The following JAZF1 variants were observed in gnomAD, a reference collection of about 807,000 sequenced individuals.
The protein encoded by JAZF1 is JAZF zinc finger 1, also known as juxtaposed with another zinc finger protein 1.
A neutral mutation model predicts 26.4 loss-of-function variants in JAZF1; 8 were observed. That is an observed-to-expected ratio of 0.30 (90% CI 0.18 to 0.55). The LOEUF (loss-of-function observed/expected upper bound fraction) is 0.55, where lower values mean the gene tolerates loss of function less well. Ranked by LOEUF, JAZF1 falls within the 20% of genes least tolerant of loss-of-function variation. The pLI, the probability that JAZF1 is intolerant of heterozygous loss-of-function variation, is 0.94. For synonymous variants in JAZF1, 126 were observed against 122.3 expected (o/e 1.03, Z -0.20); for missense variants, 199 against 322.0 (o/e 0.62, Z 2.92).
At chr7:28,060,093 CTTTA>C (rs766564542) in intron 1 of JAZF1, among the ~76,000 whole-genome samples, 9 of 151,870 alleles carry the variant, frequency 5.9e-5, no homozygotes, top group African/African-American at 2.2e-4. Flanking sequence ...CTTATTAATT[CTTTA>C]TTTGATTCTA....
intron 3 of JAZF1, among the ~76,000 whole-genome samples, chr7:27,846,967 GTTTTTA>G (rs1283010078): frequency 6.6e-6 from 1 of 151,636 alleles, no homozygotes; most frequent in African/African-American, 2.4e-5. Context: ...AGCCTTATCT[GTTTTTA>G]TTTTTATTTT....
intron 1 of JAZF1, among the ~76,000 whole-genome samples, chr7:28,004,414 A>T (rs779271526): frequency 6.6e-6 from 1 of 151,698 alleles, no homozygotes. Context: ...AAAAAAAAAA[A>T]GTCTGATGCC....
chr7:28,025,370 C>T (rs1023132858), intron 1 of JAZF1, among the ~76,000 whole-genome samples: 5 of 152,192 alleles, frequency 3.3e-5, no homozygotes, highest in African/African-American at 7.2e-5. Flanking sequence ...ACAGCAACAT[C>T]GTATCTAAAT....
At position 27,943,490 on chromosome 7, in the gene JAZF1, T is replaced by C. The variant is rs114269745; in HGVS notation, c.189-48074A>G. ...AGAAAGGAATGCGATCATTTCCGTC[T>C]GAAATAACGTGCTCCCTCTTCCCCG... is the stretch of plus-strand genomic sequence containing the variant. On this transcript the variant is annotated intron_variant, in intron 2 of 4. Transcript: ENST00000283928. Among the ~76,000 whole-genome samples, 1,358 of 152,352 alleles carry C rather than the reference T, an allele frequency of 8.9e-3. 21 individuals are homozygous for C. The highest frequency in any genetic ancestry group is 0.031 in the Middle Eastern group (9 of 294).
chr7:28,037,836 G>T (rs1266143520), intron 1 of JAZF1, among the ~76,000 whole-genome samples: 1 of 152,166 alleles, frequency 6.6e-6, no homozygotes, highest in Non-Finnish European at 1.5e-5. Context: ...CTTTCGCTGA[G>T]TTGGTTCATG....
chr7:28,082,039 C>T (rs564085954), intron 1 of JAZF1, among the ~76,000 whole-genome samples: 3 of 152,034 alleles, frequency 2.0e-5, no homozygotes, highest in African/African-American at 7.3e-5. Flanking sequence ...CTACATTCTG[C>T]GATAACAATA....
At chr7:28,176,582 T>C (rs1223209785) in intron 1 of JAZF1, among the ~76,000 whole-genome samples, 4 of 152,234 alleles carry the variant, frequency 2.6e-5, no homozygotes, top group Non-Finnish European at 2.9e-5. Context: ...CATACCTCAA[T>C]TGTTTATTGT....
chr7:27,965,798 T>C (rs746830543), intron 2 of JAZF1, among the ~76,000 whole-genome samples: 4 of 152,212 alleles, frequency 2.6e-5, no homozygotes, highest in African/African-American at 7.2e-5. Flanking sequence ...TAAAAGAAAT[T>C]CATTCCTGCA....
At chr7:27,892,498 C>T (rs1049702015) in intron 3 of JAZF1, among the ~76,000 whole-genome samples, 4 of 152,184 alleles carry the variant, frequency 2.6e-5, no homozygotes, top group Admixed American at 2.6e-4. Flanking sequence ...CTAATTGGGG[C>T]AGTCACAGTT....
intron 2 of JAZF1, among the ~76,000 whole-genome samples, chr7:27,916,869 CCACAAGTAGTGATTTGGGGA>C (rs1239221299): frequency 6.6e-6 from 1 of 152,184 alleles, no homozygotes; most frequent in African/African-American, 2.4e-5. Flanking sequence ...TGTGAAAGCA[CCACAAGTAGTGATTTGGGGA>C]CACAAATACA....
intron 1 of JAZF1, among the ~76,000 whole-genome samples, chr7:28,046,684 C>T (rs1046026795): frequency 3.3e-5 from 5 of 152,166 alleles, no homozygotes; most frequent in Non-Finnish European, 7.3e-5. Context: ...TCATTTTTGG[C>T]AATCTGATAC....
chr7:28,157,869 T>C (rs571784271), intron 1 of JAZF1, among the ~76,000 whole-genome samples: 118 of 152,218 alleles, frequency 7.8e-4, no homozygotes, highest in Non-Finnish European at 1.2e-3. Flanking sequence ...AATTAAGGAA[T>C]GGAAGAGTCC....
chr7:28,169,242 T>G (rs1443743592), intron 1 of JAZF1, among the ~76,000 whole-genome samples: 1 of 152,248 alleles, frequency 6.6e-6, no homozygotes, highest in African/African-American at 2.4e-5. Flanking sequence ...TGTTTGCATA[T>G]TTTAACAGCA....
chr7:28,066,493 C>T (rs1204175029), intron 1 of JAZF1, among the ~76,000 whole-genome samples: 11 of 149,492 alleles, frequency 7.4e-5, no homozygotes, highest in African/African-American at 2.7e-4. Flanking sequence ...ATCCCAGCTA[C>T]TTGGGAGGCT....
chr7:27,896,912 GAAGA>G (rs781781945), intron 2 of JAZF1, among the ~76,000 whole-genome samples: 7 of 152,120 alleles, frequency 4.6e-5, no homozygotes, highest in Admixed American at 2.0e-4. Flanking sequence ...GATTTAAAAA[GAAGA>G]AAGGAATGTC....
At chr7:28,156,749 T>C (rs1036837538) in intron 1 of JAZF1, among the ~76,000 whole-genome samples, 25 of 152,112 alleles carry the variant, frequency 1.6e-4, no homozygotes, top group African/African-American at 5.8e-4. Flanking sequence ...CTGCTGCTTG[T>C]CCAGAGACCA....
chr7:27,837,703 T>G (rs560837638), intron 4 of JAZF1, among the ~76,000 whole-genome samples: 1 of 151,910 alleles, frequency 6.6e-6, no homozygotes, highest in Non-Finnish European at 1.5e-5. Context: ...AAATGAGAGA[T>G]ACTGAGGGAG....
intron 3 of JAZF1, among the ~76,000 whole-genome samples, chr7:27,848,894 T>C (rs1023587391): frequency 3.3e-5 from 5 of 152,216 alleles, no homozygotes; most frequent in African/African-American, 7.2e-5. Context: ...TTGTTTTACA[T>C]GTGCATTTAA....
chr7:27,889,147 A>G (rs547313809), intron 3 of JAZF1, among the ~76,000 whole-genome samples: 1 of 152,318 alleles, frequency 6.6e-6, no homozygotes, highest in South Asian at 2.1e-4. Context: ...AAGAGCTTTT[A>G]AAAACTCCCA....
Sources: gnomAD v4.1 joint callset for allele counts (sites outside exome capture counted in the v4.1 genomes callset) on GRCh38, gnomAD v4.1.1 for gene constraint, MANE v1.5 for transcripts, NCBI Gene and HGNC (gene_info 2026-07-23, HGNC 2026-07-21) for gene names.